The following ITGA7 variants were observed in gnomAD, a reference collection of about 807,000 sequenced individuals.
ITGA7 encodes integrin subunit alpha 7, also known as integrin alpha-7.
ITGA7 carries 84 observed loss-of-function variants against 131.6 expected under a neutral mutation model. The ratio of observed to expected loss-of-function variants is 0.64; its 90% CI spans 0.54 to 0.77. The LOEUF (loss-of-function observed/expected upper bound fraction) is 0.77. ITGA7 is among the 30% of genes least tolerant of loss of function. The pLI is 0.00. For missense variants in ITGA7, 1,399 were observed against 1,482.9 expected, an observed-to-expected ratio of 0.94 and a Z score of 0.93; for synonymous variants, 548 against 600.7, an observed-to-expected ratio of 0.91 and a Z score of 1.28.
At chr12:55,695,498 C>A in intron 14 of ITGA7, 24 bp downstream of exon 14, 2 of 1,267,450 alleles carry the variant, frequency 1.6e-6, no homozygotes, top group Non-Finnish European at 2.3e-6. Flanking sequence ...CTCCCACCCC[C>A]ACCCTGCTCT....
At chr12:55,695,494 C>A in intron 14 of ITGA7, 28 bp downstream of exon 14, 5 of 1,187,532 alleles carry the variant, frequency 4.2e-6, no homozygotes, top group Non-Finnish European at 5.1e-6. Flanking sequence ...TGCCCTCCCA[C>A]CCCCACCCTG....
At chr12:55,700,188 G>T in intron 4 of ITGA7, 199 bp from the exon 5 acceptor site, 1 of 1,514,956 alleles carries the variant, frequency 6.6e-7, no homozygotes, top group South Asian at 1.2e-5. Flanking sequence ...ACAGAAGGAT[G>T]GGAGCATGGA....
intron 2 of ITGA7, 44 bp downstream of exon 2, chr12:55,703,007 C>T (rs547131089): frequency 3.1e-6 from 5 of 1,613,732 alleles, no homozygotes; most frequent in Non-Finnish European, 3.4e-6. Flanking sequence ...GTCCTCTCCT[C>T]CCCGCTCACA....
chr12:55,691,744 T>C (rs543379821), intron 21 of ITGA7, among the ~76,000 whole-genome samples: 1 of 152,306 alleles, frequency 6.6e-6, no homozygotes, highest in Non-Finnish European at 1.5e-5. Flanking sequence ...AGCCACGACA[T>C]GGGTTCCTAC....
intron 24 of ITGA7, chr12:55,686,148 TCA>T: frequency 1.0e-6 from 1 of 1,002,528 alleles, no homozygotes; most frequent in South Asian, 1.4e-5. Flanking sequence ...CTCCTTATAT[TCA>T]CACACATACA....
Position 55,707,826 on chromosome 12 carries a change from C to G in ITGA7, c.-144G>C. 7.6e-7 allele frequency: 1 copy of G among 1,324,030 alleles called. No individual in the cohort carries two copies. Among genetic ancestry groups the G allele is most frequent in the Non-Finnish European group, 1.0e-6 (1 of 980,538 alleles). 82.0% of individuals were successfully genotyped at this position (1,324,030 alleles called of 1,614,324 possible). On this transcript the variant is annotated 5_prime_UTR_variant, in exon 1 of 25. Coordinates refer to ENST00000257879, the MANE Select transcript of ITGA7 (RefSeq NM_002206.3). ...CCAGACGTTCGCCCCGCCAGCCCTCCCGCCCGCCCGCCGCTCCGCCACCCC... is the reference window on the plus strand; with the variant it reads ...CCAGACGTTCGCCCCGCCAGCCCTCGCGCCCGCCCGCCGCTCCGCCACCCC...
At chr12:55,703,388 C>A (rs1454353115) in intron 1 of ITGA7, among the ~76,000 whole-genome samples, 1 of 151,336 alleles carries the variant, frequency 6.6e-6, no homozygotes, top group Non-Finnish European at 1.5e-5. Flanking sequence ...TACATACTAT[C>A]TGGATAAGGG....
chr12:55,709,791 G>A (rs1423210257), upstream of ITGA7, among the ~76,000 whole-genome samples: 1 of 151,006 alleles, frequency 6.6e-6, no homozygotes, highest in Non-Finnish European at 1.5e-5. Context: ...TGTGATCCAG[G>A]GCTGAAATCA....
rs1870624719 is a variant in ITGA7, at chr12:55,688,083, A to T, written c.3071T>A (p.Val1024Glu). 18 of 1,614,134 alleles carry T rather than the reference A, an allele frequency of 1.1e-5. No homozygotes were observed. The highest frequency in any genetic ancestry group is 1.5e-5 in the Non-Finnish European group (18 of 1,180,006). ...RDASTVIPVM[V>E]YLDPMAVVAE... ...CACCACAGCCATGGGGTCCAAGTAT[A>T]CCATCACTGGGATCTGGGGAGCAAG... Residue 1024 changes from valine to glutamate, a missense_variant, in exon 24 of 25, where the codon GTA becomes GAA. Coordinates refer to ENST00000257879, the MANE Select transcript of ITGA7 (RefSeq NM_002206.3).
intron 24 of ITGA7, 25 bp from the exon 25 acceptor site, chr12:55,685,313 T>C (rs1265662722): frequency 1.2e-6 from 2 of 1,607,720 alleles, no homozygotes; most frequent in South Asian, 2.2e-5. Flanking sequence ...GGCCAGACCA[T>C]GAGGAGCCTG....
At chr12:55,687,375 G>C (rs1870419831) in intron 24 of ITGA7, among the ~76,000 whole-genome samples, 1 of 149,872 alleles carries the variant, frequency 6.7e-6, no homozygotes, top group South Asian at 2.1e-4. Flanking sequence ...TTTTAACAGA[G>C]ACAGGATTTC....
chr12:55,693,402 G>A (rs1182879850), intron 19 of ITGA7, 85 bp from the exon 20 acceptor site: 5 of 1,233,212 alleles, frequency 4.1e-6, no homozygotes, highest in East Asian at 2.5e-5. Context: ...CAGGATCTAT[G>A]TTGCCCAGGC....
At chr12:55,698,086 G>T (rs1873060201) in intron 7 of ITGA7, 60 bp from the exon 8 acceptor site, 2 of 1,454,068 alleles carry the variant, frequency 1.4e-6, no homozygotes, top group Non-Finnish European at 1.9e-6. Flanking sequence ...CAAGATCCAG[G>T]CCTCAACTCC....
rs756134545 is a variant in ITGA7, at chr12:55,693,321, T to C, written c.2536-4A>G. 8.7e-6 allele frequency: 14 copies of C among 1,612,010 alleles called. No individual in the cohort carries two copies. The highest frequency in any genetic ancestry group is 1.7e-4 in the Middle Eastern group (1 of 6,038). On this transcript the variant is annotated splice_polypyrimidine_tract_variant and splice_region_variant and intron_variant, in intron 19 of 24. Coordinates refer to ENST00000257879, the MANE Select transcript of ITGA7 (RefSeq NM_002206.3). ...GCGACTGGCCTTGGTTGGAAACCTG[T>C]GGGAAAAAGAGAGTATGAGGGGAGA...
Position 55,694,972 on chromosome 12 carries a change from T to G in ITGA7, c.2004-2A>C, listed in dbSNP as rs976197726. The G allele has an allele frequency of 6.2e-7, 1 of 1,612,814 alleles. No individual in the cohort carries two copies. The highest frequency in any genetic ancestry group is 8.5e-7 in the Non-Finnish European group (1 of 1,179,952). ...AGGGCTGTTGTTCCATCCACATCCC[T>G]GGAGAGTCAGACCCCACTCCTGCTA... On this transcript the variant is annotated splice_acceptor_variant, in intron 14 of 24. Transcript: ENST00000257879. LOFTEE classifies it high-confidence loss of function. The surrounding 1 kb of genome is among the most constrained non-coding windows in gnomAD (Gnocchi z 5.3).
At chr12:55,689,050 C>A in intron 21 of ITGA7, 93 bp from the exon 22 acceptor site, 2 of 927,742 alleles carry the variant, frequency 2.2e-6, no homozygotes, top group South Asian at 1.4e-5. Context: ...CCTCAAACTC[C>A]CCTCCTCCAG....
chr12:55,697,905 C>T lies in ITGA7; in HGVS notation c.1281+33G>A, dbSNP rs758735826. 2 of 1,614,102 alleles carry T rather than the reference C, an allele frequency of 1.2e-6. 1 individual carries two copies. The highest frequency in any genetic ancestry group is 2.2e-5 in the South Asian group (2 of 91,074). On this transcript the variant is annotated intron_variant, in intron 8 of 24. Coordinates refer to ENST00000257879, the MANE Select transcript of ITGA7 (RefSeq NM_002206.3). ...CTGATGCCTCTGCTGATTCCACCCA[C>T]ACCCATTCCCTCATCCCAGCGACTC...
In ITGA7 at chr12:55,707,807, G is replaced by C; in HGVS notation, c.-125C>G. On this transcript the variant is annotated 5_prime_UTR_variant, in exon 1 of 25. Coordinates refer to ENST00000257879, the MANE Select transcript of ITGA7 (RefSeq NM_002206.3). ...TTGGTCTTTCAGACGTCTCCCAGAC[G>C]TTCGCCCCGCCAGCCCTCCCGCCCG... The C allele has an allele frequency of 6.7e-7, 1 of 1,494,130 alleles. No individual in the cohort carries two copies. The allele number at this position is 1,494,130 out of a possible 1,614,324, so 92.6% of individuals were successfully genotyped here. A position where few individuals can be genotyped will look rare whatever the true frequency, so the allele number is the denominator to read the frequency against.
chr12:55,686,202 C>T (rs1870090972), intron 24 of ITGA7: 2 of 1,346,216 alleles, frequency 1.5e-6, no homozygotes, highest in South Asian at 1.1e-5. Flanking sequence ...CAACAGTTAC[C>T]CCACAGTCCC....
Sources: gnomAD v4.1 joint callset for allele counts (sites outside exome capture counted in the v4.1 genomes callset) on GRCh38, gnomAD v4.1.1 for gene constraint, Gnocchi (gnomAD v3.1) non-coding constraint, MANE v1.5 for transcripts, NCBI Gene and HGNC (gene_info 2026-07-23, HGNC 2026-07-21) for gene names.